APLP2: variants seen among roughly 807,000 people sequenced by gnomAD.
APLP2 encodes the protein CDEI box-binding protein.
APLP2 carries 53 observed loss-of-function variants against 89.9 expected under a neutral mutation model. The ratio of observed to expected loss-of-function variants is 0.59; its 90% CI spans 0.47 to 0.74. The LOEUF is 0.74. Ranked by LOEUF, APLP2 falls within the 30% of genes least tolerant of loss-of-function variation. The pLI is 0.00. For synonymous variants in APLP2, 372 were observed against 348.6 expected (o/e 1.07, Z -0.75); for missense variants, 973 against 975.9 (o/e 1.00, Z 0.04).
chr11:130,140,491 T>A lies in APLP2; in HGVS notation c.1923+8T>A. The A allele has an allele frequency of 6.2e-7, 1 of 1,601,624 alleles. No homozygotes were observed. The highest frequency in any genetic ancestry group is 8.5e-7 in the Non-Finnish European group (1 of 1,174,052). On this transcript the variant is annotated splice_region_variant and intron_variant, in intron 14 of 16. Transcript: ENST00000338167. Reference sequence around the variant, plus strand: ...AAAGTGGATGAAAACATGGTGAGCCTGTTCTTTCTTCTGCCCAACACGCTT... The same window carrying A: ...AAAGTGGATGAAAACATGGTGAGCCAGTTCTTTCTTCTGCCCAACACGCTT...
chr11:130,085,474 A>G (rs1029773989), intron 1 of APLP2, among the ~76,000 whole-genome samples: 3 of 152,030 alleles, frequency 2.0e-5, no homozygotes, highest in African/African-American at 7.2e-5. Flanking sequence ...AAAAAACAAA[A>G]CAAAACAAAA....
chr11:130,137,138 A>G lies in APLP2; in HGVS notation c.1837+1423A>G, dbSNP rs1439857393. 3.3e-6 allele frequency: 3 copies of G among 906,004 alleles called. No homozygotes were observed. The African/African-American group carries it at 5.0e-5, about 15-fold the overall frequency. 56.1% of individuals were successfully genotyped at this position (906,004 alleles called of 1,614,324 possible). A position where few individuals can be genotyped will look rare whatever the true frequency, so the allele number is the denominator to read the frequency against. ...AGGCAGGGTGTTTTTAAGGAGGAAT[A>G]CTTTTTGTTCACATTATAGAGAAAT... On this transcript the variant is annotated intron_variant, in intron 13 of 16. Coordinates refer to ENST00000338167, the MANE Select transcript of APLP2 (RefSeq NM_001142276.2).
intron 3 of APLP2, among the ~76,000 whole-genome samples, chr11:130,114,894 G>A (rs1948995868): frequency 6.6e-6 from 1 of 152,208 alleles, no homozygotes. Flanking sequence ...ACCTTGGTCT[G>A]TTGGCATAGC....
chr11:130,073,040 A>G (rs1941426122), intron 1 of APLP2, among the ~76,000 whole-genome samples: 1 of 152,222 alleles, frequency 6.6e-6, no homozygotes, highest in African/African-American at 2.4e-5. Context: ...AAAACTTTTA[A>G]CTGAAATAAT....
chr11:130,124,062 GTTCT>G (rs1455713509), intron 7 of APLP2, among the ~76,000 whole-genome samples: 2 of 152,170 alleles, frequency 1.3e-5, no homozygotes, highest in Non-Finnish European at 2.9e-5. Flanking sequence ...CCAGGGGCTT[GTTCT>G]TTCTTGTCTG....
intron 13 of APLP2, among the ~76,000 whole-genome samples, chr11:130,139,920 T>C (rs888538137): frequency 1.3e-5 from 2 of 151,924 alleles, no homozygotes; most frequent in African/African-American, 2.4e-5. Context: ...AGAGTTTAGG[T>C]TGGGGAGGGT....
rs544111628 is a variant in APLP2 at position 130,077,437 on chromosome 11, C to G, written c.105+7355C>G. On this transcript the variant is annotated intron_variant, in intron 1 of 16. Transcript: ENST00000338167. Reference sequence around the variant, plus strand: ...TGTCTCTGGAAGGCTAAGCATGTAACTTGCTTAGGCTGAAGCAGGCTTTTT... The same window carrying G: ...TGTCTCTGGAAGGCTAAGCATGTAAGTTGCTTAGGCTGAAGCAGGCTTTTT... Among the ~76,000 whole-genome samples the G allele has an allele frequency of 4.6e-5, 7 of 152,290 alleles. No homozygotes were observed. The South Asian group carries it at 1.2e-3, about 27-fold the overall frequency.
chr11:130,130,308 G>A (rs1045957860), intron 11 of APLP2, 142 bp downstream of exon 11: 22 of 1,158,540 alleles, frequency 1.9e-5, no homozygotes, highest in East Asian at 7.3e-5. Context: ...GAAGACATTC[G>A]GTACGTGAAC....
In APLP2 at chr11:130,142,015, A is replaced by G. The variant is rs1952470910; in HGVS notation, c.2095A>G (p.Ile699Val). 1.9e-6 allele frequency: 3 copies of G among 1,613,852 alleles called. No individual in the cohort carries two copies. Among genetic ancestry groups the G allele is most frequent in the Non-Finnish European group, 2.5e-6 (3 of 1,180,016 alleles). ...IAVAIATVIV[I>V]SLVMLRKRQY... ...AGTGGCCATTGCCACGGTCATCGTC[A>G]TCAGCCTGGTGATGCTGAGGAAGAG... The change falls in exon 16 of 17, where the codon ATC (isoleucine) becomes GTC (valine). Residue 699 changes from isoleucine to valine, a missense_variant. Ile to Val is a conservative substitution (Grantham distance 29, BLOSUM62 3). Transcript: ENST00000338167.
chr11:130,084,513 T>A (rs1407702031), intron 1 of APLP2, among the ~76,000 whole-genome samples: 1 of 152,218 alleles, frequency 6.6e-6, no homozygotes, highest in Non-Finnish European at 1.5e-5. Context: ...GTCTTAATCC[T>A]ATTTTGTTAT....
rs1224202894 is a variant in APLP2, at chr11:130,144,706, T to C, written c.*1258T>C. On this transcript the variant is annotated 3_prime_UTR_variant, in exon 17 of 17. Coordinates refer to ENST00000338167, the MANE Select transcript of APLP2 (RefSeq NM_001142276.2). Reference sequence around the variant, plus strand: ...TCCCCTTTGACCCTATTCATGTCTCTACCCACTATGCACAGATTAAACTTC... The same window carrying C: ...TCCCCTTTGACCCTATTCATGTCTCCACCCACTATGCACAGATTAAACTTC... 1 of 152,632 alleles carries C rather than the reference T, an allele frequency of 6.6e-6. No individual in the cohort carries two copies. The highest frequency in any genetic ancestry group is 1.5e-5 in the Non-Finnish European group (1 of 68,060). The allele number at this position is 152,632 out of a possible 1,614,324, so 9.5% of individuals were successfully genotyped here.
In APLP2 at chr11:130,144,068, G is replaced by C. The variant is rs200217797; in HGVS notation, c.*620G>C. The C allele has an allele frequency of 6.6e-6, 1 of 152,666 alleles. No homozygotes were observed. Among genetic ancestry groups the C allele is most frequent in the African/African-American group, 2.4e-5 (1 of 41,440 alleles). The allele number at this position is 152,666 out of a possible 1,614,324, so 9.5% of individuals were successfully genotyped here. ...TGGATACCTGTGTGTCTCCATAAAA[G>C]TCCTGTCACCAAGGACGTTAAAGGC... On this transcript the variant is annotated 3_prime_UTR_variant, in exon 17 of 17. Coordinates refer to ENST00000338167, the MANE Select transcript of APLP2 (RefSeq NM_001142276.2).
chr11:130,081,053 A>G (rs1032798017), intron 1 of APLP2, among the ~76,000 whole-genome samples: 2 of 152,176 alleles, frequency 1.3e-5, no homozygotes, highest in Non-Finnish European at 2.9e-5. Flanking sequence ...AAGTTCTCCA[A>G]GTTATTACAA....
intron 1 of APLP2, among the ~76,000 whole-genome samples, chr11:130,075,360 T>C (rs1941941631): frequency 6.6e-6 from 1 of 152,180 alleles, no homozygotes; most frequent in Non-Finnish European, 1.5e-5. Context: ...AACTAATCTA[T>C]TTTTTTAAAG....
chr11:130,083,575 C>G (rs1295815955), intron 1 of APLP2, among the ~76,000 whole-genome samples: 1 of 152,200 alleles, frequency 6.6e-6, no homozygotes, highest in East Asian at 1.9e-4. Flanking sequence ...GGGAATCATG[C>G]AGTACTTGTC....
chr11:130,072,676 C>T (rs1169377123), intron 1 of APLP2, among the ~76,000 whole-genome samples: 1 of 152,096 alleles, frequency 6.6e-6, no homozygotes, highest in Non-Finnish European at 1.5e-5. Context: ...AGGGTTTCAC[C>T]ATGTTGGCCA....
chr11:130,126,474 A>C (rs1317088832), intron 7 of APLP2, among the ~76,000 whole-genome samples: 1 of 152,208 alleles, frequency 6.6e-6, no homozygotes, highest in African/African-American at 2.4e-5. Flanking sequence ...TGAAGCTGCC[A>C]ATAAATTGCT....
intron 1 of APLP2, among the ~76,000 whole-genome samples, chr11:130,108,050 A>G (rs1247905684): frequency 6.6e-6 from 1 of 152,250 alleles, no homozygotes; most frequent in African/African-American, 2.4e-5. Context: ...CTTACACCTT[A>G]TACAAAAATT....
chr11:130,130,468 G>A (rs760976374), intron 11 of APLP2, among the ~76,000 whole-genome samples: 1 of 152,058 alleles, frequency 6.6e-6, no homozygotes, highest in Non-Finnish European at 1.5e-5. Context: ...CCTTTTCTAG[G>A]TATATTTATC....
Sources: allele counts gnomAD v4.1 joint callset (sites outside exome capture counted in the v4.1 genomes callset), GRCh38; gene constraint gnomAD v4.1.1; transcripts MANE v1.5; gene names NCBI Gene and HGNC (gene_info 2026-07-23, HGNC 2026-07-21).